CRLS1: variants seen among roughly 807,000 people sequenced by gnomAD.
The protein encoded by CRLS1 is cardiolipin synthase (CMP-forming).
CRLS1 carries 24 observed loss-of-function variants against 37.0 expected under a neutral mutation model. The ratio of observed to expected loss-of-function variants is 0.65; its 90% CI spans 0.47 to 0.91. The LOEUF (loss-of-function observed/expected upper bound fraction) is 0.91, where lower values mean the gene tolerates loss of function less well. Among genes scored for constraint, CRLS1 ranks in the 40% least tolerant of loss-of-function variants. The pLI is 0.00. For missense variants in CRLS1, 373 were observed against 395.8 expected (o/e 0.94, Z 0.49); for synonymous variants, 135 against 159.7 (o/e 0.85, Z 1.17).
At chr20:6,007,419 G>A in intron 1 of CRLS1, 2 of 1,613,182 alleles carry the variant, frequency 1.2e-6, no homozygotes, top group South Asian at 1.1e-5. Context: ...AGGTTATCTG[G>A]TTGAGTAATC....
chr20:6,016,680 T>C (rs1978780969), intron 3 of CRLS1, among the ~76,000 whole-genome samples: 1 of 152,246 alleles, frequency 6.6e-6, no homozygotes, highest in Admixed American at 6.5e-5. Context: ...CCAGGTTTTT[T>C]GGAATTATGG....
At chr20:6,016,176 T>C (rs985700311) in intron 3 of CRLS1, 1 of 150,518 alleles carries the variant, frequency 6.6e-6, no homozygotes, top group East Asian at 1.9e-4. Context: ...ATTTTTGAGG[T>C]TTAGGAAAAG....
chr20:6,018,810 C>G (rs1453922030), intron 3 of CRLS1, among the ~76,000 whole-genome samples: 1 of 152,120 alleles, frequency 6.6e-6, no homozygotes, highest in Non-Finnish European at 1.5e-5. Context: ...TCATTTTTCC[C>G]TTTAGCTGTT....
chr20:6,022,402 G>A (rs972589928), intron 3 of CRLS1, among the ~76,000 whole-genome samples: 5 of 138,902 alleles, frequency 3.6e-5, no homozygotes, highest in African/African-American at 1.4e-4. Flanking sequence ...GCAGTGGTGT[G>A]ATCTCGGCTC....
intron 5 of CRLS1, among the ~76,000 whole-genome samples, chr20:6,033,120 A>AATTTT (rs1056327332): frequency 4.1e-5 from 6 of 148,038 alleles, no homozygotes; most frequent in East Asian, 1.9e-4. Context: ...AATTTAATTT[A>AATTTT]ATTTTATTTT....
At chr20:6,028,589 G>A (rs1979905599) in intron 3 of CRLS1, 1 of 152,098 alleles carries the variant, frequency 6.6e-6, no homozygotes, top group Non-Finnish European at 1.5e-5. Flanking sequence ...ATATGTAAAC[G>A]ATTTTATGAA....
intron 3 of CRLS1, 167 bp downstream of exon 3, chr20:6,015,657 G>T: frequency 1.6e-6 from 1 of 627,930 alleles, no homozygotes; most frequent in South Asian, 1.8e-5. Context: ...AACTACTTGT[G>T]GATTTTAGAA....
intron 5 of CRLS1, among the ~76,000 whole-genome samples, chr20:6,034,134 A>G (rs746962938): frequency 2.0e-5 from 3 of 152,236 alleles, no homozygotes; most frequent in Non-Finnish European, 2.9e-5. Context: ...TTCGTATTCC[A>G]TTTTAATGGG....
intron 3 of CRLS1, among the ~76,000 whole-genome samples, chr20:6,027,775 T>TC (rs138417712): frequency 2.0e-5 from 3 of 151,992 alleles, no homozygotes; most frequent in Admixed American, 1.3e-4. Context: ...TGACTTTCTT[T>TC]CCCCCCAATC....
In CRLS1 at chr20:6,013,008, C is replaced by T. The variant is rs1004698966; in HGVS notation, c.445-2353C>T. 1.4e-4 allele frequency among the ~76,000 whole-genome samples: 22 copies of T among 151,876 alleles called. 1 individual carries two copies. The highest frequency in any genetic ancestry group is 8.3e-4 in the South Asian group (4 of 4,814). The stretch of plus-strand genomic sequence containing the variant: ...AGGGGTGGGGACGATTGGAGTGGGT[C>T]GATGAACACATGTGAGATGGTAATG... On this transcript the variant is annotated intron_variant, in intron 2 of 6. Transcript: ENST00000378863.
At chr20:6,033,279 G>A (rs974808612) in intron 5 of CRLS1, among the ~76,000 whole-genome samples, 2 of 151,536 alleles carry the variant, frequency 1.3e-5, no homozygotes, top group Non-Finnish European at 2.9e-5. Context: ...ACAGGCATGC[G>A]CCACCACGCC....
chr20:6,017,476 G>A (rs1978850709), intron 3 of CRLS1, among the ~76,000 whole-genome samples: 2 of 152,156 alleles, frequency 1.3e-5, no homozygotes, highest in Admixed American at 6.5e-5. Context: ...AGAAAAATTT[G>A]TATTTTTCAG....
intron 2 of CRLS1, among the ~76,000 whole-genome samples, chr20:6,014,429 C>T (rs372197892): frequency 2.0e-5 from 3 of 152,110 alleles, no homozygotes; most frequent in South Asian, 2.1e-4. Flanking sequence ...TGATTAATTG[C>T]GTCTAAATTA....
chr20:6,015,398 G>A lies in CRLS1; in HGVS notation c.482G>A (p.Arg161Lys). Residue 161 changes from arginine to lysine, a missense_variant, in exon 3 of 7, where the codon AGA becomes AAA. Arg to Lys is a conservative substitution (Grantham distance 26). Coordinates refer to ENST00000378863, the MANE Select transcript of CRLS1 (RefSeq NM_019095.6). ...ATTGCTCGAAACTGGGCCAATCAAA[G>A]ATCAGCTTTGGGAAGTGCTCTTGAT... The part of the protein sequence containing the change: ...GFIARNWANQ[R>K]SALGSALDPL... The A allele has an allele frequency of 1.9e-6, 3 of 1,609,660 alleles. No homozygotes were observed. The highest frequency in any genetic ancestry group is 2.5e-6 in the Non-Finnish European group (3 of 1,177,522).
chr20:6,011,591 T>C lies in CRLS1; in HGVS notation c.444+1679T>C, dbSNP rs1306807456. Among the ~76,000 whole-genome samples the C allele has an allele frequency of 1.2e-4, 13 of 107,096 alleles. 2 individuals carry two copies. The highest frequency in any genetic ancestry group is 5.7e-4 in the African/African-American group (13 of 22,876). 70.3% of individuals were successfully genotyped at this position (107,096 alleles called of 152,430 possible). On this transcript the variant is annotated intron_variant, in intron 2 of 6. Transcript: ENST00000378863. ...TCCCTGCTTTTTTTTTTTTTTTTTT[T>C]TTTTTTTTTTTTTTTGGGGAGACTG... is the stretch of plus-strand genomic sequence containing the variant.
intron 3 of CRLS1, among the ~76,000 whole-genome samples, chr20:6,027,157 C>A (rs1979774351): frequency 6.6e-6 from 1 of 150,380 alleles, no homozygotes; most frequent in South Asian, 2.1e-4. Context: ...TATCTCGGCT[C>A]ACTGCAACCC....
intron 3 of CRLS1, among the ~76,000 whole-genome samples, chr20:6,021,221 C>A (rs955336532): frequency 6.6e-6 from 1 of 152,016 alleles, no homozygotes; most frequent in East Asian, 1.9e-4. Flanking sequence ...TGCGTGCCAC[C>A]ATGCCCTGCT....
intron 3 of CRLS1, among the ~76,000 whole-genome samples, chr20:6,023,017 T>C (rs569285709): frequency 6.6e-6 from 1 of 152,336 alleles, no homozygotes; most frequent in East Asian, 1.9e-4. Flanking sequence ...CCTGTCTCTG[T>C]AGCTGTACCA....
chr20:6,006,367 T>A lies in CRLS1; in HGVS notation c.121T>A (p.Cys41Ser). The A allele has an allele frequency of 7.1e-7, 1 of 1,403,480 alleles. No homozygotes were observed. The highest frequency in any genetic ancestry group is 9.3e-7 in the Non-Finnish European group (1 of 1,076,562). 86.9% of individuals were successfully genotyped at this position (1,403,480 alleles called of 1,614,324 possible). A position where few individuals can be genotyped will look rare whatever the true frequency, so the allele number is the denominator to read the frequency against. ...CWALLPPVPC[C>S]LGCLAERWRL... ...GGCCCTGCTGCCGCCCGTGCCCTGC[T>A]GCTTGGGCTGCCTGGCCGAACGCTG... is the stretch of plus-strand genomic sequence containing the variant. Residue 41 changes from cysteine to serine, a missense_variant, in exon 1 of 7, where the codon TGC (cysteine) becomes AGC (serine). Cys to Ser is a moderately radical substitution (Grantham distance 112). Transcript: ENST00000378863.
Sources: gnomAD v4.1 joint callset for allele counts (sites outside exome capture counted in the v4.1 genomes callset) on GRCh38, gnomAD v4.1.1 for gene constraint, MANE v1.5 for transcripts, NCBI Gene and HGNC (gene_info 2026-07-23, HGNC 2026-07-21) for gene names.